CSMD1: variants seen among roughly 807,000 people sequenced by gnomAD.
The protein encoded by CSMD1 is CUB and sushi domain-containing protein 1.
Under a neutral mutation model 417.5 loss-of-function variants are expected in CSMD1, and 213 were observed. That is an observed-to-expected ratio of 0.51 (90% CI 0.46 to 0.57). The LOEUF (loss-of-function observed/expected upper bound fraction) is 0.57, where lower values mean the gene tolerates loss of function less well. Among genes scored for constraint, CSMD1 ranks in the 20% least tolerant of loss-of-function variants. The pLI, the probability that CSMD1 is intolerant of heterozygous loss-of-function variation, is 0.00. For missense variants in CSMD1, 6,923 were observed against 4,529.7 expected, an observed-to-expected ratio of 1.53 and a Z score of -15.17; for synonymous variants, 2,862 against 1,736.8, an observed-to-expected ratio of 1.65 and a Z score of -16.11.
intron 5 of CSMD1, among the ~76,000 whole-genome samples, chr8:3,968,590 A>C (rs1023716732): frequency 3.9e-5 from 6 of 152,180 alleles, no homozygotes; most frequent in Admixed American, 3.9e-4. Flanking sequence ...TGTATTTCAG[A>C]TGGAATATTC....
In CSMD1 at chr8:3,427,964, T is replaced by G. The variant is rs185121401; in HGVS notation, c.1562-18359A>C. Among the ~76,000 whole-genome samples the G allele has an allele frequency of 8.1e-4, 124 of 152,282 alleles. 3 individuals are homozygous for G. The South Asian group carries it at 0.011, about 13-fold the overall frequency. On this transcript the variant is annotated intron_variant, in intron 12 of 69. Coordinates refer to ENST00000635120, the MANE Select transcript of CSMD1 (RefSeq NM_033225.6). ...ATCAGGAATTAATAAGGTAAAGGAA[T>G]TTTGAATTTTAGAAAATGGAATTAA... is the stretch of plus-strand genomic sequence containing the variant.
At chr8:4,597,130 T>C (rs1484300066) in intron 2 of CSMD1, among the ~76,000 whole-genome samples, 1 of 152,054 alleles carries the variant, frequency 6.6e-6, no homozygotes, top group African/African-American at 2.4e-5. Context: ...TTCTAGCATT[T>C]GCAGCTAACA....
intron 3 of CSMD1, among the ~76,000 whole-genome samples, chr8:4,078,169 C>A (rs544295570): frequency 1.3e-5 from 2 of 152,156 alleles, no homozygotes; most frequent in African/African-American, 4.8e-5. Flanking sequence ...AATGGCAATT[C>A]AGTTTGCTAT....
chr8:3,902,644 A>T (rs1189169632), intron 5 of CSMD1, among the ~76,000 whole-genome samples: 1 of 152,036 alleles, frequency 6.6e-6, no homozygotes, highest in African/African-American at 2.4e-5. Flanking sequence ...CTCAGGGGTA[A>T]TTCTTGCTCA....
At chr8:3,652,725 G>A (rs184200118) in intron 7 of CSMD1, among the ~76,000 whole-genome samples, 1 of 152,224 alleles carries the variant, frequency 6.6e-6, no homozygotes, top group African/African-American at 2.4e-5. Flanking sequence ...AAGTGACCCC[G>A]CCCCTAACAA....
At chr8:4,544,357 T>G (rs866162782) in intron 2 of CSMD1, among the ~76,000 whole-genome samples, 33 of 152,116 alleles carry the variant, frequency 2.2e-4, no homozygotes, top group African/African-American at 7.7e-4. Context: ...CAGTTGTTAT[T>G]GAATCAAAGT....
intron 3 of CSMD1, among the ~76,000 whole-genome samples, chr8:4,167,868 C>A (rs889604366): frequency 6.6e-6 from 1 of 152,072 alleles, no homozygotes; most frequent in South Asian, 2.1e-4. Context: ...TGGCTTAGGC[C>A]TGTAATCTCA....
At chr8:4,808,051 T>C (rs1294365879) in intron 1 of CSMD1, among the ~76,000 whole-genome samples, 1 of 152,224 alleles carries the variant, frequency 6.6e-6, no homozygotes, top group Non-Finnish European at 1.5e-5. Flanking sequence ...GGTTGACTTT[T>C]GTAAATAATA....
chr8:3,084,134 C>A (rs750145773), intron 49 of CSMD1, among the ~76,000 whole-genome samples: 1 of 152,000 alleles, frequency 6.6e-6, no homozygotes, highest in Admixed American at 6.6e-5. Context: ...TGCAATTTGC[C>A]AAAGAAAAGC....
intron 3 of CSMD1, among the ~76,000 whole-genome samples, chr8:4,362,663 A>G (rs942315150): frequency 5.3e-5 from 8 of 152,218 alleles, no homozygotes; most frequent in Non-Finnish European, 1.2e-4. Flanking sequence ...GAAGGAAAGG[A>G]CAGTGAAATA....
chr8:4,434,201 G>C (rs181231332), intron 2 of CSMD1, among the ~76,000 whole-genome samples: 6 of 152,060 alleles, frequency 3.9e-5, no homozygotes, highest in African/African-American at 7.2e-5. Flanking sequence ...ATCCAGGCAT[G>C]GTAATGAGCA....
intron 41 of CSMD1, among the ~76,000 whole-genome samples, chr8:3,138,429 G>C (rs1325960443): frequency 6.6e-6 from 1 of 152,148 alleles, no homozygotes; most frequent in East Asian, 1.9e-4. Flanking sequence ...CTGAAAGCAA[G>C]TCACACCACC....
chr8:4,649,288 G>C lies in CSMD1; in HGVS notation c.86-11730C>G, dbSNP rs75258763. On this transcript the variant is annotated intron_variant, in intron 1 of 69. Coordinates refer to ENST00000635120, the MANE Select transcript of CSMD1 (RefSeq NM_033225.6). ...GGGAGCTGGAGTGACTATTGTATCT[G>C]ATAAAAGATATTATTACTACCTACA... is the stretch of plus-strand genomic sequence containing the variant. Among the ~76,000 whole-genome samples, 572 of 152,272 alleles carry C rather than the reference G, an allele frequency of 3.8e-3. 19 individuals are homozygous for C. The East Asian group carries it at 0.066, about 18-fold the overall frequency.
chr8:3,459,269 G>A (rs908818971), intron 12 of CSMD1, among the ~76,000 whole-genome samples: 1 of 152,200 alleles, frequency 6.6e-6, no homozygotes, highest in African/African-American at 2.4e-5. Flanking sequence ...GGACCAGAGT[G>A]AGCAGGGTGA....
At chr8:3,820,347 T>G (rs1021937003) in intron 5 of CSMD1, among the ~76,000 whole-genome samples, 1 of 152,106 alleles carries the variant, frequency 6.6e-6, no homozygotes, top group African/African-American at 2.4e-5. Flanking sequence ...ATATGGTGTT[T>G]GAACTGGGAT....
At position 3,933,568 on chromosome 8, in the gene CSMD1, C is replaced by T. The variant is rs187761302; in HGVS notation, c.818+64335G>A. On this transcript the variant is annotated intron_variant, in intron 5 of 69. Transcript: ENST00000635120. Reference sequence around the variant, plus strand: ...ATGAGAGTCCTGGCAAAACAGGATACATTGAGAAAATATAGGAGTGTGTAG... The same window carrying T: ...ATGAGAGTCCTGGCAAAACAGGATATATTGAGAAAATATAGGAGTGTGTAG... 2.6e-5 allele frequency among the ~76,000 whole-genome samples: 4 copies of T among 152,176 alleles called. No individual in the cohort carries two copies. The East Asian group carries it at 7.7e-4, about 29-fold the overall frequency.
intron 3 of CSMD1, among the ~76,000 whole-genome samples, chr8:4,350,332 G>C (rs574567831): frequency 2.6e-5 from 4 of 152,176 alleles, no homozygotes; most frequent in Admixed American, 6.6e-5. Flanking sequence ...CACACCTGAG[G>C]GGCACACAAA....
chr8:3,549,875 C>T (rs534485025), intron 10 of CSMD1, among the ~76,000 whole-genome samples: 2 of 152,178 alleles, frequency 1.3e-5, no homozygotes, highest in African/African-American at 2.4e-5. Flanking sequence ...ACATATGCTC[C>T]AAGTGTAACA....
Position 3,087,304 on chromosome 8 carries a change from A to C in CSMD1, c.7286-19T>G. On this transcript the variant is annotated intron_variant, in intron 48 of 69. Transcript: ENST00000635120. Reference sequence around the variant, plus strand: ...TAAGGTGCTGTGGGCAGACAGACACACACAGAAATAAGTCAACAAGCAAAC... The same window carrying C: ...TAAGGTGCTGTGGGCAGACAGACACCCACAGAAATAAGTCAACAAGCAAAC... 1.2e-6 allele frequency: 2 copies of C among 1,609,998 alleles called. No individual in the cohort carries two copies. Among genetic ancestry groups the C allele is most frequent in the Non-Finnish European group, 1.7e-6 (2 of 1,176,634 alleles).
Sources: allele counts gnomAD v4.1 joint callset (sites outside exome capture counted in the v4.1 genomes callset), GRCh38; gene constraint gnomAD v4.1.1; transcripts MANE v1.5; gene names NCBI Gene and HGNC (gene_info 2026-07-23, HGNC 2026-07-21).